Variants in DLL3 observed in about 807,000 individuals in gnomAD.
DLL3 encodes the protein delta-like protein 3.
A neutral mutation model predicts 55.0 loss-of-function variants in DLL3; 49 were observed. The observed-to-expected ratio is 0.89, with a 90% CI of 0.71 to 1.13. DLL3 has a LOEUF of 1.13. DLL3 is among the 50% of genes most tolerant of loss of function. The pLI is 0.00. For missense variants in DLL3, 962 were observed against 875.5 expected, an observed-to-expected ratio of 1.10 and a Z score of -1.25; for synonymous variants, 421 against 385.2, an observed-to-expected ratio of 1.09 and a Z score of -1.09.
chr19:39,502,747 G>T (rs1023823678), intron 3 of DLL3, 68 bp from the exon 4 acceptor site: 1 of 1,291,874 alleles, frequency 7.7e-7, no homozygotes, highest in Non-Finnish European at 9.8e-7. Context: ...AATGCGGCCG[G>T]GGCGCTCCGT....
intron 6 of DLL3, among the ~76,000 whole-genome samples, chr19:39,505,805 A>G (rs2144762504): frequency 6.6e-6 from 1 of 152,274 alleles, no homozygotes; most frequent in South Asian, 2.1e-4. Flanking sequence ...TGACTGAGGC[A>G]CATCTTGTGG....
chr19:39,502,320 G>A (rs2079614224), intron 3 of DLL3, among the ~76,000 whole-genome samples: 1 of 151,632 alleles, frequency 6.6e-6, no homozygotes, highest in African/African-American at 2.4e-5. Flanking sequence ...GCTGGAGTGC[G>A]ATGGCCGATC....
At chr19:39,503,175 A>G (rs1290001465) in intron 4 of DLL3, 118 bp downstream of exon 4, 1 of 1,133,074 alleles carries the variant, frequency 8.8e-7, no homozygotes, top group Admixed American at 3.3e-5. Flanking sequence ...GGTACTCTAG[A>G]GTCCCCCACC....
Position 39,504,324 on chromosome 19 carries a change from A to G in DLL3, c.870+36A>G, listed in dbSNP as rs1234104203. 5 of 1,605,710 alleles carry G rather than the reference A, an allele frequency of 3.1e-6. No homozygotes were observed. The African/African-American group carries it at 5.3e-5, about 17-fold the overall frequency. ...CCCTTCCCACCTTGTCCTGCTTAGT[A>G]CTTTACCCTGGGAGCCACAGCCCTC... On this transcript the variant is annotated intron_variant, in intron 5 of 8. Coordinates refer to ENST00000356433, the MANE Select transcript of DLL3 (RefSeq NM_203486.3).
intron 7 of DLL3, 63 bp from the exon 8 acceptor site, chr19:39,507,767 A>G: frequency 6.2e-7 from 1 of 1,610,738 alleles, no homozygotes; most frequent in Non-Finnish European, 8.5e-7. Context: ...TGTGATGGGT[A>G]GGGGAAAACA....
intron 2 of DLL3, among the ~76,000 whole-genome samples, chr19:39,500,168 C>T (rs1175121716): frequency 6.6e-6 from 1 of 151,716 alleles, no homozygotes; most frequent in African/African-American, 2.4e-5. Flanking sequence ...GTCGCTCACA[C>T]TGTAATTCCA....
Position 39,507,537 on chromosome 19 carries a change from G to T in DLL3, c.1592G>T (p.Gly531Val), listed in dbSNP as rs970229397. The change falls in exon 7 of 9, where the codon GGG (glycine) becomes GTG (valine). Residue 531 changes from glycine (G) to valine (V), a missense_variant. Coordinates refer to ENST00000356433, the MANE Select transcript of DLL3 (RefSeq NM_203486.3). Reference protein sequence around the residue: ...SQDAGSRLLAGTPEPSVHALP... With the variant: ...SQDAGSRLLAVTPEPSVHALP... ...GATGCTGGGTCTCGCTTGCTGGCTG[G>T]GACCCCGGAGCCGTCAGTCCACGCA... 3 of 1,605,686 alleles carry T rather than the reference G, an allele frequency of 1.9e-6. No homozygotes were observed. The African/African-American group carries it at 4.0e-5, about 21-fold the overall frequency.
rs1373512636 is a variant in DLL3, at chr19:39,505,212, C to G, written c.871-17C>G. On this transcript the variant is annotated splice_polypyrimidine_tract_variant and intron_variant, in intron 5 of 8. Transcript: ENST00000356433. Reference sequence around the variant, plus strand: ...TCCAAGGAAACACCCTTCTCAAGTACTCTTGTCCCTGCCCAGGAGACACCC... The same window carrying G: ...TCCAAGGAAACACCCTTCTCAAGTAGTCTTGTCCCTGCCCAGGAGACACCC... The G allele has an allele frequency of 1.5e-5, 25 of 1,612,974 alleles. No homozygotes were observed. The highest frequency in any genetic ancestry group is 2.1e-5 in the Non-Finnish European group (25 of 1,179,454).
At chr19:39,507,639 C>T (rs374940435) in intron 7 of DLL3, 21 bp downstream of exon 7, 1 of 1,598,430 alleles carries the variant, frequency 6.3e-7, no homozygotes, top group Non-Finnish European at 8.5e-7. Context: ...GCGCCACAGA[C>T]GAACGCCTTG....
Position 39,499,037 on chromosome 19 carries a change from C to G in DLL3, c.63C>G (p.Leu21=). 1.2e-6 allele frequency: 2 copies of G among 1,614,076 alleles called. No individual in the cohort carries two copies. The highest frequency in any genetic ancestry group is 1.7e-6 in the Non-Finnish European group (2 of 1,180,034). The change falls in exon 1 of 9, where the codon CTC becomes CTG. Residue 21 remains leucine, a synonymous_variant. Coordinates refer to ENST00000356433, the MANE Select transcript of DLL3 (RefSeq NM_203486.3). The stretch of plus-strand genomic sequence containing the variant: ...CTGTGATCCTAGCGCTCATTTTCCT[C>G]CCCCAGGTCAGAGCCAGGTGGGAGG... ...SQTVILALIF[L]PQTRPAGVFE... is the part of the protein sequence containing the mutation.
chr19:39,503,031 C>T lies in DLL3; in HGVS notation c.626C>T (p.Pro209Leu), dbSNP rs1204991489. 4 of 1,517,812 alleles carry T rather than the reference C, an allele frequency of 2.6e-6. No individual in the cohort carries two copies. Among genetic ancestry groups the T allele is most frequent in the African/African-American group, 1.4e-5 (1 of 71,206 alleles). The allele number at this position is 1,517,812 out of a possible 1,614,324, so 94.0% of individuals were successfully genotyped here. A position where few individuals can be genotyped will look rare whatever the true frequency, so the allele number is the denominator to read the frequency against. Residue 209 changes from proline to leucine, a missense_variant, in exon 4 of 9, where the codon CCG (proline) becomes CTG (leucine). Physicochemically the swap from Pro to Leu is moderately conservative, Grantham distance 98. Transcript: ENST00000356433. ...RCGPGLRPCA[P>L]LEDECEAPLV... ...GGTCCGGGACTGCGCCCCTGCGCAC[C>T]GCTCGAGGACGAATGTGAGGCGCCG... is the stretch of plus-strand genomic sequence containing the variant.
At chr19:39,500,716 C>T (rs760127403) in intron 3 of DLL3, 44 bp downstream of exon 3, 30 of 1,550,322 alleles carry the variant, frequency 1.9e-5, no homozygotes, top group African/African-American at 2.7e-5. Context: ...CTGGGGCCCA[C>T]GTGAGACACG....
intron 6 of DLL3, chr19:39,505,794 G>A (rs566919204): frequency 3.3e-6 from 1 of 303,190 alleles, no homozygotes; most frequent in African/African-American, 2.1e-5. Context: ...GGTCAGGGAG[G>A]TGACTGAGGC....
At position 39,507,930 on chromosome 19, in the gene DLL3, T is replaced by C. The variant is rs2079654667; in HGVS notation, c.1758+16T>C. 1.9e-6 allele frequency: 3 copies of C among 1,613,970 alleles called. No homozygotes were observed. In the African/African-American group the frequency reaches 4.0e-5, roughly 22 times the overall value. On this transcript the variant is annotated intron_variant, in intron 8 of 8. Coordinates refer to ENST00000356433, the MANE Select transcript of DLL3 (RefSeq NM_203486.3). ...CGCTCGGGAGGTAGCGACGCCCCTT[T>C]TCCCCCCGCTACACACTGGGCGCGC...
intron 4 of DLL3, among the ~76,000 whole-genome samples, chr19:39,503,675 A>G (rs1323545890): frequency 6.6e-6 from 1 of 152,148 alleles, no homozygotes; most frequent in Non-Finnish European, 1.5e-5. Context: ...TCTCAGAGCC[A>G]CCCTAATTCA....
Position 39,499,545 on chromosome 19 carries a change from C to A in DLL3, c.351+72C>A, listed in dbSNP as rs543762696. On this transcript the variant is annotated intron_variant, in intron 2 of 8. Transcript: ENST00000356433. Reference sequence around the variant, plus strand: ...GCCAGCGAAACCTCCACCTCCTCTCCCCTCCAGCTTCCAAGACCCTAATCC... The same window carrying A: ...GCCAGCGAAACCTCCACCTCCTCTCACCTCCAGCTTCCAAGACCCTAATCC... 1.7e-5 allele frequency: 26 copies of A among 1,530,280 alleles called. No individual in the cohort carries two copies. The East Asian group carries it at 5.3e-4, about 31-fold the overall frequency. 94.8% of individuals were successfully genotyped at this position (1,530,280 alleles called of 1,614,324 possible).
Position 39,504,134 on chromosome 19 carries a change from G to A in DLL3, c.716G>A (p.Cys239Tyr), listed in dbSNP as rs1438483504. ...GFCEQPGECR[C>Y]LEGWTGPLCT... is the part of the protein sequence containing the mutation. Reference sequence around the variant, plus strand: ...TGTGAACAGCCCGGTGAATGCCGATGCCTAGAGGGCTGGACTGGACCCCTC... The same window carrying A: ...TGTGAACAGCCCGGTGAATGCCGATACCTAGAGGGCTGGACTGGACCCCTC... The change falls in exon 5 of 9, where the codon TGC becomes TAC. Residue 239 changes from cysteine to tyrosine, a missense_variant. Coordinates refer to ENST00000356433, the MANE Select transcript of DLL3 (RefSeq NM_203486.3). 1.2e-6 allele frequency: 2 copies of A among 1,612,818 alleles called. No individual in the cohort carries two copies. The highest frequency in any genetic ancestry group is 2.7e-5 in the African/African-American group (2 of 74,938).
At chr19:39,505,485 G>A (rs1568450421) in intron 6 of DLL3, 34 bp downstream of exon 6, 4 of 1,611,120 alleles carry the variant, frequency 2.5e-6, no homozygotes, top group Non-Finnish European at 3.4e-6. Flanking sequence ...CGAGGGATGG[G>A]GTGGGGGTCC....
rs373980582 is a variant in DLL3, at chr19:39,499,275, C to G, written c.153C>G (p.Ser51Arg). The G allele has an allele frequency of 5.8e-6, 9 of 1,541,584 alleles. No individual in the cohort carries two copies. Among genetic ancestry groups the G allele is most frequent in the Non-Finnish European group, 7.8e-6 (9 of 1,147,916 alleles). Residue 51 changes from serine to arginine, a missense_variant, in exon 2 of 9, where the codon AGC (serine) becomes AGG (arginine). Physicochemically the swap from Ser to Arg is moderately radical, Grantham distance 110 (BLOSUM62 -1). Coordinates refer to ENST00000356433, the MANE Select transcript of DLL3 (RefSeq NM_203486.3). Reference protein sequence around the residue: ...PGPGAPRSPCSARLPCRLFFR... With the variant: ...PGPGAPRSPCRARLPCRLFFR... ...CTGGGGCCCCGCGGTCCCCCTGCAG[C>G]GCCCGGCTCCCCTGCCGCCTCTTCT...
Sources: allele counts gnomAD v4.1 joint callset (sites outside exome capture counted in the v4.1 genomes callset), GRCh38; gene constraint gnomAD v4.1.1; transcripts MANE v1.5; gene names NCBI Gene and HGNC (gene_info 2026-07-23, HGNC 2026-07-21).